Variants in IFFO1 observed in about 807,000 individuals in gnomAD.
The protein encoded by IFFO1 is intermediate filament family orphan 1.
IFFO1 carries 42 observed loss-of-function variants against 59.6 expected under a neutral mutation model. That is an observed-to-expected ratio of 0.70 (90% confidence interval 0.55 to 0.91). The LOEUF (loss-of-function observed/expected upper bound fraction) is 0.91. Among genes scored for constraint, IFFO1 ranks in the 40% least tolerant of loss-of-function variants. The probability of loss-of-function intolerance (pLI) is 0.00; values close to 1 mark genes in which losing one functional copy is unlikely to be tolerated. For missense variants in IFFO1, 711 were observed against 793.2 expected, an observed-to-expected ratio of 0.90 and a Z score of 1.24; for synonymous variants, 336 against 342.8, an observed-to-expected ratio of 0.98 and a Z score of 0.22.
In IFFO1 at chr12:6,548,344, G is replaced by C. The variant is rs1947064853; in HGVS notation, c.1383+81C>G. 2.0e-6 allele frequency: 3 copies of C among 1,513,368 alleles called. No homozygotes were observed. Among genetic ancestry groups the C allele is most frequent in the Non-Finnish European group, 2.7e-6 (3 of 1,109,110 alleles). 93.7% of individuals were successfully genotyped at this position (1,513,368 alleles called of 1,614,324 possible). ...AGGATGACAGCCACATGGGGGGACAGAGCAAGGAGAGGAGCGGGGGAGTGG... is the reference window on the plus strand; with the variant it reads ...AGGATGACAGCCACATGGGGGGACACAGCAAGGAGAGGAGCGGGGGAGTGG... On this transcript the variant is annotated intron_variant, in intron 7 of 9. Coordinates refer to ENST00000619571, the MANE Select transcript of IFFO1 (RefSeq NM_001193457.2). The surrounding 1 kb of genome is among the most constrained non-coding windows in gnomAD (Gnocchi z 6.1).
In IFFO1 at chr12:6,549,655, C is replaced by A; in HGVS notation, c.1071+101G>T. ...TGAGGGCCCCAGTTGCCAGGTAAGGCTCCCCAAGCAGGAGGCAGGGCCTGC... is the reference window on the plus strand; with the variant it reads ...TGAGGGCCCCAGTTGCCAGGTAAGGATCCCCAAGCAGGAGGCAGGGCCTGC... On this transcript the variant is annotated intron_variant, in intron 4 of 9. Coordinates refer to ENST00000619571, the MANE Select transcript of IFFO1 (RefSeq NM_001193457.2). This position sits in a 1 kb window ranked among gnomAD's most constrained non-coding sequence, Gnocchi z 5.0. 6.6e-7 allele frequency: 1 copy of A among 1,505,050 alleles called. No homozygotes were observed. Among genetic ancestry groups the A allele is most frequent in the Non-Finnish European group, 9.1e-7 (1 of 1,101,366 alleles). 93.2% of individuals were successfully genotyped at this position (1,505,050 alleles called of 1,614,324 possible). A position where few individuals can be genotyped will look rare whatever the true frequency, so the allele number is the denominator to read the frequency against.
In IFFO1 at chr12:6,541,362, G is replaced by T. The variant is rs764459018; in HGVS notation, c.1610+150C>A. On this transcript the variant is annotated intron_variant, in intron 9 of 9. Transcript: ENST00000619571. The surrounding 1 kb of genome is among the most constrained non-coding windows in gnomAD (Gnocchi z 4.8). ...CAACTGCCAAGGGAGAGAGCTGTGG[G>T]TCTGGGCCAGCCCCACCAGGTAACT... The T allele has an allele frequency of 1.5e-4, 144 of 980,512 alleles. No homozygotes were observed. Among genetic ancestry groups the T allele is most frequent in the Non-Finnish European group, 2.1e-4 (140 of 671,064 alleles). The allele number at this position is 980,512 out of a possible 1,614,324, so 60.7% of individuals were successfully genotyped here.
rs988243801 is a variant in IFFO1, at chr12:6,541,488, C to T, written c.1610+24G>A. ...TCCCCGCTGTGTCCCCCTGGAAGGC[C>T]CCATGCCCAGGGGAGGCGCCTACCG... On this transcript the variant is annotated intron_variant, in intron 9 of 9. Transcript: ENST00000619571. This position sits in a 1 kb window ranked among gnomAD's most constrained non-coding sequence, Gnocchi z 4.8. 16 of 1,611,802 alleles carry T rather than the reference C, an allele frequency of 9.9e-6. No homozygotes were observed. Among genetic ancestry groups the T allele is most frequent in the Admixed American group, 1.7e-5 (1 of 59,998 alleles).
intron 8 of IFFO1, among the ~76,000 whole-genome samples, chr12:6,542,029 C>T (rs1008142596): frequency 1.2e-4 from 18 of 152,146 alleles, no homozygotes; most frequent in African/African-American, 4.3e-4. Context: ...CCTGGGCTGT[C>T]CCCTCACTGC....
chr12:6,547,980 G>A (rs1210787897), intron 8 of IFFO1, 85 bp downstream of exon 8: 1 of 978,622 alleles, frequency 1.0e-6, no homozygotes, highest in African/African-American at 1.6e-5. Flanking sequence ...CTAGGGTCCT[G>A]CAGCAGGGAT....
At chr12:6,546,750 A>G (rs955151559) in intron 8 of IFFO1, among the ~76,000 whole-genome samples, 17 of 151,994 alleles carry the variant, frequency 1.1e-4, no homozygotes, top group African/African-American at 3.6e-4. Context: ...CGGCCTCCCA[A>G]AGTGCTGGGA....
rs754958087 is a variant in IFFO1 at position 6,540,580 on chromosome 12, G to A, written c.1619C>T (p.Pro540Leu). 2 of 1,613,572 alleles carry A rather than the reference G, an allele frequency of 1.2e-6. No individual in the cohort carries two copies. Among genetic ancestry groups the A allele is most frequent in the Non-Finnish European group, 1.7e-6 (2 of 1,179,894 alleles). Residue 540 changes from proline (P) to leucine (L), a missense_variant, in exon 10 of 10, where the codon CCT becomes CTT. Pro to Leu is a moderately conservative substitution (Grantham distance 98). Coordinates refer to ENST00000619571, the MANE Select transcript of IFFO1 (RefSeq NM_001193457.2). The part of the protein sequence containing the change: ...LITQSGDRKS[P>L]AFTAVPLSDP... The stretch of plus-strand genomic sequence containing the variant: ...GCTAAGCGGGACCGCAGTGAAAGCA[G>A]GAGACTTTCTAGAAAAAAACACCAG...
chr12:6,543,292 A>G (rs1169133967), intron 8 of IFFO1, among the ~76,000 whole-genome samples: 1 of 152,204 alleles, frequency 6.6e-6, no homozygotes, highest in Non-Finnish European at 1.5e-5. Flanking sequence ...CAGGCCACGG[A>G]CCAGTACCTG....
chr12:6,554,986 G>A (rs1462634792), intron 1 of IFFO1, among the ~76,000 whole-genome samples: 3 of 152,202 alleles, frequency 2.0e-5, no homozygotes, highest in African/African-American at 4.8e-5. Context: ...CACAAAACCC[G>A]CAGTTAAGCC....
rs1468851228 is a variant in IFFO1, at chr12:6,540,427, C to T, written c.*56G>A. 2.9e-6 allele frequency: 4 copies of T among 1,401,704 alleles called. No individual in the cohort carries two copies. Among genetic ancestry groups the T allele is most frequent in the Non-Finnish European group, 4.1e-6 (4 of 987,046 alleles). The allele number at this position is 1,401,704 out of a possible 1,614,324, so 86.8% of individuals were successfully genotyped here. A position where few individuals can be genotyped will look rare whatever the true frequency, so the allele number is the denominator to read the frequency against. ...GTTCCCCTCTGTGCAGCCCCACCCT[C>T]TGCCTCGCTGAGCTCCCTGCTGCGA... On this transcript the variant is annotated 3_prime_UTR_variant, in exon 10 of 10. Coordinates refer to ENST00000619571, the MANE Select transcript of IFFO1 (RefSeq NM_001193457.2).
At chr12:6,554,731 C>A (rs1159002985) in intron 1 of IFFO1, among the ~76,000 whole-genome samples, 6 of 152,206 alleles carry the variant, frequency 3.9e-5, no homozygotes, top group Admixed American at 3.9e-4. Context: ...CTTGAGGTCC[C>A]GGAGCTTTTC....
chr12:6,543,274 C>G (rs999330930), intron 8 of IFFO1, among the ~76,000 whole-genome samples: 1 of 152,140 alleles, frequency 6.6e-6, no homozygotes, highest in Non-Finnish European at 1.5e-5. Context: ...GCAGAAGTCC[C>G]CAAACCCCAG....
Position 6,541,458 on chromosome 12 carries a change from C to T in IFFO1, c.1610+54G>A. On this transcript the variant is annotated intron_variant, in intron 9 of 9. Coordinates refer to ENST00000619571, the MANE Select transcript of IFFO1 (RefSeq NM_001193457.2). This position sits in a 1 kb window ranked among gnomAD's most constrained non-coding sequence, Gnocchi z 4.8. ...AGGGTCTCTGGGGCTGTGTTCCAAC[C>T]TTTCTCCCCGCTGTGTCCCCCTGGA... The T allele has an allele frequency of 6.2e-7, 1 of 1,604,134 alleles. No individual in the cohort carries two copies. Among genetic ancestry groups the T allele is most frequent in the South Asian group, 1.1e-5 (1 of 90,810 alleles).
chr12:6,543,666 A>G (rs1290992798), intron 8 of IFFO1: 1 of 152,248 alleles, frequency 6.6e-6, no homozygotes, highest in African/African-American at 2.4e-5. Flanking sequence ...ATGTAATAAT[A>G]ATAGAAATAA....
In IFFO1 at chr12:6,541,322, T is replaced by C. The variant is rs1436049268; in HGVS notation, c.1610+190A>G. Among the ~76,000 whole-genome samples the C allele has an allele frequency of 1.3e-5, 2 of 152,144 alleles. No homozygotes were observed. Among genetic ancestry groups the C allele is most frequent in the African/African-American group, 4.8e-5 (2 of 41,424 alleles). ...GAGGTTTCAGCCCTCCCGTCATGAATGGACATAGCTCATCCAACTGCCAAG... is the reference window on the plus strand; with the variant it reads ...GAGGTTTCAGCCCTCCCGTCATGAACGGACATAGCTCATCCAACTGCCAAG... On this transcript the variant is annotated intron_variant, in intron 9 of 9. Transcript: ENST00000619571. The surrounding 1 kb of genome is among the most constrained non-coding windows in gnomAD (Gnocchi z 4.8).
chr12:6,542,774 G>C (rs1263775750), intron 8 of IFFO1, among the ~76,000 whole-genome samples: 1 of 152,182 alleles, frequency 6.6e-6, no homozygotes, highest in East Asian at 1.9e-4. Flanking sequence ...GGAAAATACA[G>C]TGCCACCAGC....
Position 6,555,331 on chromosome 12 carries a change from G to A in IFFO1, c.699C>T (p.Thr233=), listed in dbSNP as rs1224692630. The part of the protein sequence containing the change: ...HPDGVGVQID[T]ITPEIRALYN... ...AGAGAGCGCGGATCTCGGGCGTGATGGTGTCGATCTGGACGCCCACCCCAT... is the reference window on the plus strand; with the variant it reads ...AGAGAGCGCGGATCTCGGGCGTGATAGTGTCGATCTGGACGCCCACCCCAT... Residue 233 remains threonine, a synonymous_variant, in exon 1 of 10, where the codon ACC becomes ACT. Transcript: ENST00000619571. The surrounding 1 kb of genome is among the most constrained non-coding windows in gnomAD (Gnocchi z 8.6). 6.2e-7 allele frequency: 1 copy of A among 1,614,198 alleles called. No individual in the cohort carries two copies. The highest frequency in any genetic ancestry group is 1.1e-5 in the South Asian group (1 of 91,084).
chr12:6,555,462 G>T lies in IFFO1; in HGVS notation c.568C>A (p.Arg190Ser), dbSNP rs773264373. The change falls in exon 1 of 10, where the codon CGC becomes AGC. Residue 190 changes from arginine (R) to serine (S), a missense_variant. By Grantham distance (110) the Arg-to-Ser change is moderately radical. This residue lies in a region of IFFO1 where 579 missense variants were observed against 650.3 expected (regional missense o/e 0.89). Coordinates refer to ENST00000619571, the MANE Select transcript of IFFO1 (RefSeq NM_001193457.2). This position sits in a 1 kb window ranked among gnomAD's most constrained non-coding sequence, Gnocchi z 8.6. ...GACCAGATGGTGCCGGGCATGAAGC[G>T]GGCCGACGAGGAATAGGTGGTGGAG... ...STSTTYSSSARFMPGTIWSFS... is the reference protein window; with the variant it reads ...STSTTYSSSASFMPGTIWSFS... 9.9e-6 allele frequency: 16 copies of T among 1,613,178 alleles called. No homozygotes were observed. Among genetic ancestry groups the T allele is most frequent in the South Asian group, 2.2e-5 (2 of 91,020 alleles).
In IFFO1 at chr12:6,540,468, G is replaced by A; in HGVS notation, c.*15C>T. 6.3e-7 allele frequency: 1 copy of A among 1,599,012 alleles called. No individual in the cohort carries two copies. Among genetic ancestry groups the A allele is most frequent in the Non-Finnish European group, 8.6e-7 (1 of 1,166,318 alleles). On this transcript the variant is annotated 3_prime_UTR_variant, in exon 10 of 10. Transcript: ENST00000619571. ...CCTGCTGCGAGGGCCTCGGGTGCAA[G>A]GGGGAGGCAGGTCTCTATCTCATGG...
Sources: allele counts gnomAD v4.1 joint callset (sites outside exome capture counted in the v4.1 genomes callset), GRCh38; gene constraint gnomAD v4.1.1; regional missense constraint gnomAD v4.1.1; non-coding constraint Gnocchi (gnomAD v3.1); transcripts MANE v1.5; gene names NCBI Gene and HGNC (gene_info 2026-07-23, HGNC 2026-07-21).